Variants in MSH4 observed in about 807,000 individuals in gnomAD.
The protein encoded by MSH4 is mutS homolog 4.
Under a neutral mutation model 113.7 loss-of-function variants are expected in MSH4, and 106 were observed. That is an observed-to-expected ratio of 0.93 (90% CI 0.80 to 1.10). The LOEUF is 1.10. MSH4 is among the 50% of genes least tolerant of loss of function. The probability of loss-of-function intolerance (pLI) is 0.00; values close to 1 mark genes in which losing one functional copy is unlikely to be tolerated. For synonymous variants in MSH4, 368 were observed against 380.2 expected (o/e 0.97, Z 0.37); for missense variants, 1,061 against 1,093.7 (o/e 0.97, Z 0.42).
chr1:75,860,870 G>T (rs1311595763), intron 8 of MSH4, among the ~76,000 whole-genome samples: 2 of 152,230 alleles, frequency 1.3e-5, no homozygotes, highest in Admixed American at 1.3e-4. Context: ...CTAACTTGGG[G>T]CCATTCTCCC....
In MSH4 at chr1:75,798,928, T is replaced by G. The variant is rs549283375; in HGVS notation, c.244+1699T>G. On this transcript the variant is annotated intron_variant, in intron 1 of 19. Transcript: ENST00000263187. The stretch of plus-strand genomic sequence containing the variant: ...ACCACCAGAGTTATGTGGAAAATGA[T>G]CTTATCATGTCCCTTGCCACTTAAA... 3.0e-4 allele frequency among the ~76,000 whole-genome samples: 45 copies of G among 152,286 alleles called. 1 individual carries two copies. The South Asian group carries it at 7.0e-3, about 24-fold the overall frequency.
chr1:75,879,915 T>A, intron 12 of MSH4, 135 bp from the exon 13 acceptor site: 1 of 599,490 alleles, frequency 1.7e-6, no homozygotes, highest in Non-Finnish European at 3.0e-6. Flanking sequence ...AAATATTATT[T>A]AGAACTTTCT....
intron 6 of MSH4, among the ~76,000 whole-genome samples, chr1:75,822,106 C>A (rs1650428881): frequency 6.6e-6 from 1 of 151,878 alleles, no homozygotes; most frequent in South Asian, 2.1e-4. Flanking sequence ...AAGGTGAAAC[C>A]CCGTCTCTAC....
intron 19 of MSH4, among the ~76,000 whole-genome samples, chr1:75,909,688 A>G (rs887683325): frequency 3.3e-5 from 5 of 150,180 alleles, no homozygotes; most frequent in African/African-American, 1.2e-4. Flanking sequence ...TGTGATGAGA[A>G]TTGTATTTTT....
At chr1:75,839,828 A>G (rs1489585516) in intron 7 of MSH4, among the ~76,000 whole-genome samples, 3 of 147,828 alleles carry the variant, frequency 2.0e-5, no homozygotes, top group Non-Finnish European at 4.5e-5. Context: ...ACAAGAAAAA[A>G]ACAAACAACC....
chr1:75,883,172 T>TC, intron 14 of MSH4, among the ~76,000 whole-genome samples: 1 of 32,448 alleles, frequency 3.1e-5, no homozygotes, highest in Non-Finnish European at 8.0e-5. Context: ...ACCTGGCTAA[T>TC]TTTTTTTTTT....
chr1:75,805,122 G>C (rs1650030063), intron 2 of MSH4, among the ~76,000 whole-genome samples: 1 of 150,972 alleles, frequency 6.6e-6, no homozygotes, highest in Non-Finnish European at 1.5e-5. Flanking sequence ...ACCGCACCCA[G>C]CCCTGACCTG....
At chr1:75,892,747 G>T (rs920750165) in intron 17 of MSH4, among the ~76,000 whole-genome samples, 8 of 151,970 alleles carry the variant, frequency 5.3e-5, no homozygotes, top group East Asian at 1.9e-4. Flanking sequence ...CTTGGTGAGG[G>T]CCTGCCTGTC....
At chr1:75,836,243 C>T (rs1455243581) in intron 7 of MSH4, among the ~76,000 whole-genome samples, 1 of 151,882 alleles carries the variant, frequency 6.6e-6, no homozygotes, top group East Asian at 1.9e-4. Flanking sequence ...CTGTCCTTTT[C>T]TCACTGCTCT....
chr1:75,815,952 G>T (rs941766766), intron 5 of MSH4, among the ~76,000 whole-genome samples: 1 of 149,594 alleles, frequency 6.7e-6, no homozygotes, highest in Non-Finnish European at 1.5e-5. Context: ...AGGTTGCAGT[G>T]AGCCGAGATC....
chr1:75,801,643 G>A (rs1166372311), intron 1 of MSH4, among the ~76,000 whole-genome samples: 2 of 151,740 alleles, frequency 1.3e-5, no homozygotes, highest in African/African-American at 2.4e-5. Flanking sequence ...GGAGGCTGAA[G>A]TGGGAGGATT....
At chr1:75,847,884 T>C (rs963025893) in intron 7 of MSH4, among the ~76,000 whole-genome samples, 1 of 152,116 alleles carries the variant, frequency 6.6e-6, no homozygotes, top group Non-Finnish European at 1.5e-5. Flanking sequence ...TCCACTAGAC[T>C]CCACCTATTA....
intron 2 of MSH4, among the ~76,000 whole-genome samples, chr1:75,806,127 A>G (rs1650053633): frequency 2.0e-5 from 3 of 150,668 alleles, no homozygotes; most frequent in South Asian, 4.2e-4. Context: ...GGTCTGTGAA[A>G]TTAATGTTCA....
At chr1:75,874,713 A>G (rs1651780185) in intron 9 of MSH4, among the ~76,000 whole-genome samples, 1 of 152,134 alleles carries the variant, frequency 6.6e-6, no homozygotes, top group African/African-American at 2.4e-5. Context: ...GTGGTTGTGC[A>G]TGCCTGGCAC....
intron 19 of MSH4, among the ~76,000 whole-genome samples, chr1:75,911,415 A>G (rs949863738): frequency 2.0e-5 from 3 of 152,038 alleles, no homozygotes; most frequent in East Asian, 3.9e-4. Flanking sequence ...AGGCTGTTTT[A>G]TCTATCAGGA....
intron 6 of MSH4, among the ~76,000 whole-genome samples, chr1:75,821,177 T>A (rs923541941): frequency 2.7e-5 from 4 of 150,376 alleles, no homozygotes; most frequent in African/African-American, 9.7e-5. Flanking sequence ...TCAGCAAATG[T>A]AAAAGAACAG....
intron 8 of MSH4, among the ~76,000 whole-genome samples, chr1:75,865,433 C>T (rs1199257323): frequency 6.6e-6 from 1 of 152,046 alleles, no homozygotes; most frequent in Non-Finnish European, 1.5e-5. Context: ...CATGGAGACA[C>T]TAATGCTATT....
intron 17 of MSH4, among the ~76,000 whole-genome samples, chr1:75,891,832 A>AATAATATT (rs1466363944): frequency 2.6e-5 from 4 of 152,218 alleles, no homozygotes; most frequent in African/African-American, 9.6e-5. Flanking sequence ...AATGGTAATA[A>AATAATATT]ATAATATTAG....
chr1:75,868,864 T>C (rs1028327883), intron 9 of MSH4, among the ~76,000 whole-genome samples: 1 of 152,230 alleles, frequency 6.6e-6, no homozygotes, highest in African/African-American at 2.4e-5. Flanking sequence ...CAATTAAACC[T>C]TTTTCCTTTA....
Sources: gnomAD v4.1 joint callset for allele counts (sites outside exome capture counted in the v4.1 genomes callset) on GRCh38, gnomAD v4.1.1 for gene constraint, MANE v1.5 for transcripts, NCBI Gene and HGNC (gene_info 2026-07-23, HGNC 2026-07-21) for gene names.